GALNT17: variants seen among roughly 807,000 people sequenced by gnomAD.
GALNT17 encodes the protein UDP-GalNAc:polypeptide N-acetylgalactosaminyltransferase-like 3.
GALNT17 carries 29 observed loss-of-function variants against 63.7 expected under a neutral mutation model. The observed-to-expected ratio is 0.46, with a 90% CI of 0.34 to 0.62. The LOEUF (loss-of-function observed/expected upper bound fraction) is 0.62, where lower values mean the gene tolerates loss of function less well. GALNT17 is among the 20% of genes least tolerant of loss of function. GALNT17 has a pLI of 0.01. For synonymous variants in GALNT17, 305 were observed against 318.3 expected, an observed-to-expected ratio of 0.96 and a Z score of 0.45; for missense variants, 603 against 799.6, an observed-to-expected ratio of 0.75 and a Z score of 2.97.
intron 1 of GALNT17, among the ~76,000 whole-genome samples, chr7:71,240,414 T>A (rs538975714): frequency 6.6e-6 from 1 of 152,182 alleles, no homozygotes; most frequent in Non-Finnish European, 1.5e-5. Flanking sequence ...TTTTCAACAC[T>A]CACTTCCCTT....
At chr7:71,652,273 G>T (rs2117024316) in intron 6 of GALNT17, among the ~76,000 whole-genome samples, 1 of 152,100 alleles carries the variant, frequency 6.6e-6, no homozygotes, top group African/African-American at 2.4e-5. Flanking sequence ...TACTTAAATT[G>T]AGATATGTCT....
intron 1 of GALNT17, among the ~76,000 whole-genome samples, chr7:71,156,579 G>GTTCTTCCT (rs1554333967): frequency 7.2e-6 from 1 of 139,794 alleles, no homozygotes; most frequent in African/African-American, 2.9e-5. Context: ...CACATGAGAT[G>GTTCTTCCT]TCCTTCCTTC....
At chr7:71,222,481 A>G (rs1789604794) in intron 1 of GALNT17, among the ~76,000 whole-genome samples, 1 of 151,882 alleles carries the variant, frequency 6.6e-6, no homozygotes, top group Admixed American at 6.6e-5. Flanking sequence ...TAGTAGAGAC[A>G]AGGTTTCTCC....
At chr7:71,475,227 A>T (rs1787703324) in intron 5 of GALNT17, among the ~76,000 whole-genome samples, 1 of 152,162 alleles carries the variant, frequency 6.6e-6, no homozygotes, top group Admixed American at 6.6e-5. Context: ...AAGGGTGAGG[A>T]TGATTTCGGG....
intron 1 of GALNT17, among the ~76,000 whole-genome samples, chr7:71,192,782 G>A (rs562838081): frequency 2.2e-4 from 33 of 152,264 alleles, no homozygotes; most frequent in African/African-American, 7.7e-4. Flanking sequence ...GAGTTCCGGT[G>A]GTGCCTCATC....
chr7:71,688,165 T>G (rs1250835504), intron 9 of GALNT17, among the ~76,000 whole-genome samples: 2 of 152,214 alleles, frequency 1.3e-5, no homozygotes, highest in Non-Finnish European at 2.9e-5. Context: ...GCCATATTTT[T>G]TAAAACCTCT....
intron 1 of GALNT17, among the ~76,000 whole-genome samples, chr7:71,258,407 C>A (rs558723183): frequency 7.2e-5 from 11 of 152,286 alleles, no homozygotes; most frequent in African/African-American, 2.6e-4. Flanking sequence ...AGTGCAGTTT[C>A]TTTCGTGAAG....
chr7:71,350,079 C>T (rs1792164084), intron 2 of GALNT17, among the ~76,000 whole-genome samples: 1 of 152,052 alleles, frequency 6.6e-6, no homozygotes, highest in Non-Finnish European at 1.5e-5. Context: ...CAGGGGAATT[C>T]TTGTGTAAGG....
At chr7:71,216,236 AAG>A (rs148129870) in intron 1 of GALNT17, among the ~76,000 whole-genome samples, 6 of 150,820 alleles carry the variant, frequency 4.0e-5, no homozygotes, top group African/African-American at 4.8e-5. Flanking sequence ...CCAAAACATG[AAG>A]AGAGAGAGAG....
intron 5 of GALNT17, among the ~76,000 whole-genome samples, chr7:71,494,113 C>T (rs1344121953): frequency 6.6e-6 from 1 of 151,646 alleles, no homozygotes; most frequent in Non-Finnish European, 1.5e-5. Flanking sequence ...AACTTATGAT[C>T]ATGGCAGAAG....
At chr7:71,326,537 C>T (rs1359664088) in intron 1 of GALNT17, among the ~76,000 whole-genome samples, 1 of 152,180 alleles carries the variant, frequency 6.6e-6, no homozygotes, top group African/African-American at 2.4e-5. Flanking sequence ...AACTCAAAGA[C>T]GTGTTCTTCT....
At chr7:71,394,012 G>C (rs545879786) in intron 3 of GALNT17, among the ~76,000 whole-genome samples, 1 of 152,090 alleles carries the variant, frequency 6.6e-6, no homozygotes, top group African/African-American at 2.4e-5. Flanking sequence ...TTTTGCAGCT[G>C]TTCTTCTCTT....
At chr7:71,562,144 G>A (rs1382852446) in intron 5 of GALNT17, among the ~76,000 whole-genome samples, 1 of 151,808 alleles carries the variant, frequency 6.6e-6, no homozygotes, top group Non-Finnish European at 1.5e-5. Flanking sequence ...ATTATTTTTG[G>A]TAGAAATACA....
chr7:71,389,228 G>A (rs572810983), intron 3 of GALNT17, among the ~76,000 whole-genome samples: 1 of 152,054 alleles, frequency 6.6e-6, no homozygotes, highest in African/African-American at 2.4e-5. Context: ...TCACATCTCA[G>A]GTTCAAGCGA....
chr7:71,709,549 T>A (rs1791762473), intron 9 of GALNT17, among the ~76,000 whole-genome samples: 1 of 151,868 alleles, frequency 6.6e-6, no homozygotes, highest in Non-Finnish European at 1.5e-5. Flanking sequence ...ATGTGGTGAA[T>A]AATCTCTGAT....
intron 6 of GALNT17, among the ~76,000 whole-genome samples, chr7:71,654,201 G>C (rs970020920): frequency 6.6e-6 from 1 of 152,024 alleles, no homozygotes; most frequent in Non-Finnish European, 1.5e-5. Flanking sequence ...ATTTTTAGTA[G>C]AGACGGGGTT....
chr7:71,356,047 G>A (rs1400855201), intron 2 of GALNT17, among the ~76,000 whole-genome samples: 4 of 151,960 alleles, frequency 2.6e-5, no homozygotes, highest in Non-Finnish European at 4.4e-5. Context: ...GCGCGATCTC[G>A]GCTGACTGCA....
chr7:71,202,656 T>G (rs756918551), intron 1 of GALNT17, among the ~76,000 whole-genome samples: 1 of 152,208 alleles, frequency 6.6e-6, no homozygotes, highest in Admixed American at 6.5e-5. Flanking sequence ...ATTTAAAACC[T>G]ACTCTCTTAG....
chr7:71,413,543 A>ATT (rs10650177), intron 3 of GALNT17, among the ~76,000 whole-genome samples: 9,212 of 148,562 alleles, frequency 0.062, 384 homozygotes, highest in East Asian at 0.12. Flanking sequence ...TATTTTTTGT[A>ATT]TTTTTTTTTT....
Sources: allele counts gnomAD v4.1 joint callset (sites outside exome capture counted in the v4.1 genomes callset), GRCh38; gene constraint gnomAD v4.1.1; transcripts MANE v1.5; gene names NCBI Gene and HGNC (gene_info 2026-07-23, HGNC 2026-07-21).